Variants in PDS5B observed in about 807,000 individuals in gnomAD.
PDS5B encodes the protein sister chromatid cohesion protein PDS5 homolog B.
PDS5B carries 51 observed loss-of-function variants against 184.1 expected under a neutral mutation model. That is an observed-to-expected ratio of 0.28 (90% confidence interval 0.22 to 0.35). The LOEUF (loss-of-function observed/expected upper bound fraction) is 0.35, where lower values mean the gene tolerates loss of function less well. Ranked by LOEUF, PDS5B falls within the 10% of genes least tolerant of loss-of-function variation. PDS5B has a pLI of 1.00. For missense variants in PDS5B, 1,180 were observed against 1,723.3 expected, an observed-to-expected ratio of 0.68 and a Z score of 5.58; for synonymous variants, 566 against 569.2, an observed-to-expected ratio of 0.99 and a Z score of 0.08.
intron 13 of PDS5B, chr13:32,689,558 G>A (rs1425409945): frequency 6.6e-6 from 1 of 152,012 alleles, no homozygotes; most frequent in Non-Finnish European, 1.5e-5. Flanking sequence ...AAAAAGCTTG[G>A]CAACCCTGGT....
intron 19 of PDS5B, among the ~76,000 whole-genome samples, chr13:32,710,768 C>T (rs1952178838): frequency 6.6e-6 from 1 of 152,198 alleles, no homozygotes; most frequent in African/African-American, 2.4e-5. Flanking sequence ...ACCTCTACCT[C>T]ATCACTTCTG....
At chr13:32,698,714 T>A (rs1158990580) in intron 15 of PDS5B, among the ~76,000 whole-genome samples, 1 of 152,150 alleles carries the variant, frequency 6.6e-6, no homozygotes, top group African/African-American at 2.4e-5. Flanking sequence ...ATTTTGGGGT[T>A]CACTCGAATT....
chr13:32,672,752 T>TA (rs1485081368), intron 7 of PDS5B, among the ~76,000 whole-genome samples: 3 of 152,202 alleles, frequency 2.0e-5, no homozygotes, highest in Non-Finnish European at 4.4e-5. Flanking sequence ...CCTTCCAGCC[T>TA]ATTTGGATGA....
rs1158730179 is a variant in PDS5B, at chr13:32,775,756, A to G, written c.*704A>G. On this transcript the variant is annotated 3_prime_UTR_variant, in exon 35 of 35. Transcript: ENST00000315596. The stretch of plus-strand genomic sequence containing the variant: ...TTGTCCCAGAATTTTCTGGCCTTTC[A>G]TGGCAATGAAAATTTTAAGAAGAAA... The G allele has an allele frequency of 5.0e-6, 2 of 401,398 alleles. No homozygotes were observed. The highest frequency in any genetic ancestry group is 4.2e-5 in the African/African-American group (2 of 47,304). 24.9% of individuals were successfully genotyped at this position (401,398 alleles called of 1,614,324 possible).
chr13:32,665,637 T>G (rs1478631365), intron 6 of PDS5B, among the ~76,000 whole-genome samples: 1 of 117,492 alleles, frequency 8.5e-6, no homozygotes, highest in Admixed American at 9.0e-5. Flanking sequence ...CTTTACAACC[T>G]CAAGATAGGA....
At chr13:32,665,854 C>T (rs1048213889) in intron 6 of PDS5B, among the ~76,000 whole-genome samples, 12 of 151,862 alleles carry the variant, frequency 7.9e-5, no homozygotes, top group African/African-American at 1.7e-4. Flanking sequence ...CTGTCATTTG[C>T]GGCAGCATGG....
chr13:32,678,240 A>G (rs917295803), intron 9 of PDS5B, among the ~76,000 whole-genome samples: 10 of 152,208 alleles, frequency 6.6e-5, no homozygotes, highest in African/African-American at 2.2e-4. Context: ...ATATCAACCA[A>G]AGAATTTTAA....
intron 19 of PDS5B, among the ~76,000 whole-genome samples, chr13:32,728,042 T>TA (rs1378368315): frequency 2.6e-5 from 4 of 151,986 alleles, no homozygotes; most frequent in African/African-American, 7.2e-5. Flanking sequence ...AGTTCACTGA[T>TA]ACTTTTCTCT....
intron 31 of PDS5B, among the ~76,000 whole-genome samples, chr13:32,768,419 A>G (rs1485023454): frequency 6.6e-6 from 1 of 152,134 alleles, no homozygotes; most frequent in Admixed American, 6.5e-5. Context: ...ATCTCCAAAT[A>G]CTGTCACATT....
chr13:32,733,729 G>A (rs1953205383), intron 20 of PDS5B, among the ~76,000 whole-genome samples: 1 of 152,038 alleles, frequency 6.6e-6, no homozygotes, highest in South Asian at 2.1e-4. Flanking sequence ...AACATCAGAA[G>A]GATGCAAAAA....
chr13:32,731,897 ACAC>A (rs1953135562), intron 19 of PDS5B, among the ~76,000 whole-genome samples: 1 of 152,122 alleles, frequency 6.6e-6, no homozygotes. Context: ...AAAGTAAAAA[ACAC>A]CACATTTGTA....
intron 30 of PDS5B, among the ~76,000 whole-genome samples, chr13:32,762,110 CTGTT>C (rs761153729): frequency 5.9e-5 from 9 of 152,092 alleles, no homozygotes; most frequent in Non-Finnish European, 1.0e-4. Context: ...TGAGGAGTGT[CTGTT>C]CATGTCCTTT....
At chr13:32,722,368 G>C (rs1952747467) in intron 19 of PDS5B, among the ~76,000 whole-genome samples, 1 of 152,192 alleles carries the variant, frequency 6.6e-6, no homozygotes, top group Non-Finnish European at 1.5e-5. Flanking sequence ...ACGATGGAGA[G>C]GGAGAGAGAG....
chr13:32,696,149 G>A (rs939535514), intron 14 of PDS5B, among the ~76,000 whole-genome samples: 9 of 151,932 alleles, frequency 5.9e-5, no homozygotes, highest in African/African-American at 2.2e-4. Context: ...CAATAGGGAT[G>A]GTCTTTTTGT....
intron 17 of PDS5B, among the ~76,000 whole-genome samples, chr13:32,703,956 T>C (rs369964111): frequency 6.6e-6 from 1 of 152,338 alleles, no homozygotes; most frequent in South Asian, 2.1e-4. Flanking sequence ...CTTTTTCTTA[T>C]TGATTATAAG....
chr13:32,774,744 C>G (rs1395173930), intron 34 of PDS5B, among the ~76,000 whole-genome samples: 1 of 152,164 alleles, frequency 6.6e-6, no homozygotes, highest in African/African-American at 2.4e-5. Flanking sequence ...ACATTGACTT[C>G]TGTTCATTTC....
At chr13:32,608,568 A>G (rs1003815919) in intron 1 of PDS5B, among the ~76,000 whole-genome samples, 1 of 152,188 alleles carries the variant, frequency 6.6e-6, no homozygotes, top group Non-Finnish European at 1.5e-5. Flanking sequence ...GGAAGGGACG[A>G]TAGACATGAA....
intron 1 of PDS5B, among the ~76,000 whole-genome samples, chr13:32,643,988 G>T (rs1950162504): frequency 6.6e-6 from 1 of 152,104 alleles, no homozygotes; most frequent in Non-Finnish European, 1.5e-5. Flanking sequence ...CATGTTGTCT[G>T]GATGTAGGGA....
intron 1 of PDS5B, among the ~76,000 whole-genome samples, chr13:32,587,704 A>G (rs988089803): frequency 5.3e-5 from 8 of 152,240 alleles, no homozygotes; most frequent in Non-Finnish European, 1.0e-4. Flanking sequence ...GCGCGTCTTC[A>G]ACAGCCTCTC....
Sources: gnomAD v4.1 joint callset for allele counts (sites outside exome capture counted in the v4.1 genomes callset) on GRCh38, gnomAD v4.1.1 for gene constraint, MANE v1.5 for transcripts, NCBI Gene and HGNC (gene_info 2026-07-23, HGNC 2026-07-21) for gene names.